The following ECPAS variants were observed in gnomAD, a reference collection of about 807,000 sequenced individuals.
ECPAS encodes the protein proteasome adapter and scaffold protein ECM29.
A neutral mutation model predicts 255.1 loss-of-function variants in ECPAS; 70 were observed. That is an observed-to-expected ratio of 0.27 (90% confidence interval 0.23 to 0.33). The LOEUF (loss-of-function observed/expected upper bound fraction) is 0.33. ECPAS is among the 10% of genes least tolerant of loss of function. ECPAS has a pLI of 1.00. For synonymous variants in ECPAS, 784 were observed against 775.0 expected (o/e 1.01, Z -0.19); for missense variants, 1,817 against 2,206.4 (o/e 0.82, Z 3.54).
At chr9:111,421,411 G>GTGTGTGTA (rs1035918106) in intron 15 of ECPAS, among the ~76,000 whole-genome samples, 1 of 47,598 alleles carries the variant, frequency 2.1e-5, no homozygotes, top group Non-Finnish European at 5.2e-5. Flanking sequence ...TTACATATAT[G>GTGTGTGTA]TGTGTGTGTG....
At chr9:111,378,501 G>A (rs2098136219) in intron 36 of ECPAS, 79 bp downstream of exon 36, 2 of 1,405,586 alleles carry the variant, frequency 1.4e-6, no homozygotes, top group Non-Finnish European at 1.9e-6. Flanking sequence ...TAGTGACAGT[G>A]TCATTCAAAT....
chr9:111,480,287 C>CTTTTTTTTTTTTTTTTTTTTTT (rs1282400347), intron 1 of ECPAS, among the ~76,000 whole-genome samples: 1 of 113,682 alleles, frequency 8.8e-6, no homozygotes, highest in Non-Finnish European at 1.8e-5. Flanking sequence ...TTAAAAGCAC[C>CTTTTTTTTTTTTTTTTTTTTTT]TTTTCTTTTT....
At chr9:111,368,501 C>A (rs1396452253) in intron 46 of ECPAS, among the ~76,000 whole-genome samples, 1 of 152,080 alleles carries the variant, frequency 6.6e-6, no homozygotes, top group Non-Finnish European at 1.5e-5. Flanking sequence ...TGGAACTGTG[C>A]CCCCAAAATT....
chr9:111,414,655 CA>C lies in ECPAS; in HGVS notation c.1765-5del, dbSNP rs769366335. The C allele has an allele frequency of 6.2e-7, 1 of 1,606,596 alleles. No homozygotes were observed. The highest frequency in any genetic ancestry group is 1.1e-5 in the South Asian group (1 of 90,890). On this transcript the variant is annotated splice_polypyrimidine_tract_variant and splice_region_variant and intron_variant, in intron 18 of 49. Transcript: ENST00000684092. ...ACATGCGCAAGTACAGAACGATCTA[CA>C]AACAGAACGGAGAGGAAGACTGCAT...
intron 1 of ECPAS, among the ~76,000 whole-genome samples, chr9:111,477,458 C>T (rs1289528503): frequency 6.6e-6 from 1 of 151,974 alleles, no homozygotes; most frequent in Non-Finnish European, 1.5e-5. Flanking sequence ...CTGGATACTG[C>T]GCCTGGCCCC....
intron 24 of ECPAS, among the ~76,000 whole-genome samples, chr9:111,404,357 T>C (rs2098180706): frequency 6.7e-6 from 1 of 149,668 alleles, no homozygotes; most frequent in Non-Finnish European, 1.5e-5. Flanking sequence ...AAAAAATTAT[T>C]AGAACTGATA....
intron 1 of ECPAS, among the ~76,000 whole-genome samples, chr9:111,480,937 A>G (rs1466175024): frequency 6.6e-6 from 1 of 152,240 alleles, no homozygotes; most frequent in Non-Finnish European, 1.5e-5. Context: ...CTGCATAGAC[A>G]CAAATACTTC....
chr9:111,437,820 T>G lies in ECPAS; in HGVS notation c.540-712A>C, dbSNP rs369024395. Among the ~76,000 whole-genome samples, 257 of 152,298 alleles carry G rather than the reference T, an allele frequency of 1.7e-3. 2 individuals carry two copies. The highest frequency in any genetic ancestry group is 0.014 in the Middle Eastern group (4 of 294). On this transcript the variant is annotated intron_variant, in intron 6 of 49. Transcript: ENST00000684092. Reference sequence around the variant, plus strand: ...AAATAAGACCTCTAAGAAATTCATTTTGATCCAATTAAACTGGTATTACTC... The same window carrying G: ...AAATAAGACCTCTAAGAAATTCATTGTGATCCAATTAAACTGGTATTACTC...
intron 3 of ECPAS, 106 bp from the exon 4 acceptor site, chr9:111,444,600 C>T (rs1378261249): frequency 6.9e-6 from 5 of 723,242 alleles, no homozygotes; most frequent in African/African-American, 1.8e-5. Context: ...ATAGTAGCTA[C>T]TTTGTTCTTT....
chr9:111,442,216 G>T, intron 5 of ECPAS, 90 bp downstream of exon 5: 2 of 814,862 alleles, frequency 2.5e-6, no homozygotes, highest in South Asian at 1.7e-5. Context: ...CCTCCCATTT[G>T]CTCAAGTAAA....
intron 16 of ECPAS, among the ~76,000 whole-genome samples, chr9:111,418,834 C>G (rs1447889680): frequency 2.0e-5 from 3 of 152,112 alleles, no homozygotes; most frequent in Non-Finnish European, 4.4e-5. Context: ...CTGCCAGGCC[C>G]CAGTACATCT....
chr9:111,414,764 G>C, intron 18 of ECPAS, 113 bp from the exon 19 acceptor site: 1 of 935,926 alleles, frequency 1.1e-6, no homozygotes, highest in Non-Finnish European at 1.6e-6. Flanking sequence ...TCTTTATAAA[G>C]CTATTCCAAT....
intron 38 of ECPAS, 109 bp downstream of exon 38, chr9:111,375,004 T>A (rs561847625): frequency 3.8e-6 from 3 of 783,028 alleles, no homozygotes; most frequent in Non-Finnish European, 6.6e-6. Context: ...GGTTAGTGTA[T>A]AATATTAGAT....
chr9:111,363,533 A>T, intron 49 of ECPAS, 55 bp downstream of exon 49: 1 of 1,092,736 alleles, frequency 9.2e-7, no homozygotes, highest in South Asian at 1.3e-5. Flanking sequence ...AAAAATTTCT[A>T]AAACATATGC....
At chr9:111,479,072 T>C (rs1228619545) in intron 1 of ECPAS, among the ~76,000 whole-genome samples, 1 of 152,176 alleles carries the variant, frequency 6.6e-6, no homozygotes, top group Non-Finnish European at 1.5e-5. Flanking sequence ...GGGACTACTT[T>C]CCAGCTGCAG....
At chr9:111,458,653 G>A (rs1159869795) in intron 2 of ECPAS, among the ~76,000 whole-genome samples, 1 of 151,910 alleles carries the variant, frequency 6.6e-6, no homozygotes, top group Middle Eastern at 3.2e-3. Context: ...GGAGGGTGGG[G>A]GGGGTGTTAG....
chr9:111,386,824 G>A (rs1284086496), intron 31 of ECPAS, among the ~76,000 whole-genome samples: 1 of 152,144 alleles, frequency 6.6e-6, no homozygotes, highest in East Asian at 1.9e-4. Context: ...CCCCTTCCCA[G>A]GTCCTACTTG....
intron 39 of ECPAS, 24 bp downstream of exon 39, chr9:111,373,948 C>T (rs753057924): frequency 6.3e-7 from 1 of 1,579,064 alleles, no homozygotes; most frequent in East Asian, 2.2e-5. Context: ...AAAAATATCA[C>T]CACACATCCC....
chr9:111,419,951 C>A (rs2098210785), intron 16 of ECPAS, 66 bp downstream of exon 16: 2 of 1,183,460 alleles, frequency 1.7e-6, no homozygotes, highest in Non-Finnish European at 2.5e-6. Context: ...AACAATACAA[C>A]TTTTAGTAAT....
Sources: gnomAD v4.1 joint callset for allele counts (sites outside exome capture counted in the v4.1 genomes callset) on GRCh38, gnomAD v4.1.1 for gene constraint, MANE v1.5 for transcripts, NCBI Gene and HGNC (gene_info 2026-07-23, HGNC 2026-07-21) for gene names.